The following CATSPER4 variants were observed in gnomAD, a reference collection of about 807,000 sequenced individuals.
CATSPER4 encodes the protein cation channel sperm associated 4, also known as cation channel sperm-associated protein 4.
In CATSPER4, 46 loss-of-function variants were observed where a neutral mutation model predicts 54.4. The ratio of observed to expected loss-of-function variants is 0.84; its 90% CI spans 0.67 to 1.08. The LOEUF (loss-of-function observed/expected upper bound fraction) is 1.08. Ranked by LOEUF, CATSPER4 falls within the 50% of genes least tolerant of loss-of-function variation. The pLI is 0.00. For missense variants in CATSPER4, 574 were observed against 612.8 expected, an observed-to-expected ratio of 0.94 and a Z score of 0.67; for synonymous variants, 230 against 231.9, an observed-to-expected ratio of 0.99 and a Z score of 0.08.
intron 6 of CATSPER4, among the ~76,000 whole-genome samples, chr1:26,199,429 C>G (rs1225699101): frequency 7.7e-6 from 1 of 129,708 alleles, no homozygotes; most frequent in Non-Finnish European, 1.6e-5. Context: ...GAGACTCTGT[C>G]TCAAAAAAAA....
Position 26,190,934 on chromosome 1 carries a change from C to T in CATSPER4, c.213+94C>T, listed in dbSNP as rs375654253. 376 of 1,230,694 alleles carry T rather than the reference C, an allele frequency of 3.1e-4. No homozygotes were observed. The African/African-American group carries it at 4.6e-3, about 15-fold the overall frequency. The allele number at this position is 1,230,694 out of a possible 1,614,324, so 76.2% of individuals were successfully genotyped here. On this transcript the variant is annotated intron_variant, in intron 1 of 9. Transcript: ENST00000456354. The stretch of plus-strand genomic sequence containing the variant: ...TAACTCTGCCCCTCTACCCTCTAAA[C>T]GCCCCCAGAAGACCCTCCCTAGCAC...
At chr1:26,199,526 G>T (rs748667466) in intron 6 of CATSPER4, among the ~76,000 whole-genome samples, 9 of 150,602 alleles carry the variant, frequency 6.0e-5, no homozygotes, top group Non-Finnish European at 1.2e-4. Flanking sequence ...ATGAACCCAG[G>T]AGGTGGAGCT....
At chr1:26,202,455 T>C (rs771470968) in intron 9 of CATSPER4, 34 bp from the exon 10 acceptor site, 1 of 1,592,308 alleles carries the variant, frequency 6.3e-7, no homozygotes, top group Non-Finnish European at 8.6e-7. Flanking sequence ...TCGGGGGGAG[T>C]GGGGGATTAA....
chr1:26,195,379 G>A (rs1200366697), intron 3 of CATSPER4, among the ~76,000 whole-genome samples: 1 of 152,214 alleles, frequency 6.6e-6, no homozygotes, highest in African/African-American at 2.4e-5. Flanking sequence ...CTTCTGGTGA[G>A]GGCTTCAGGC....
rs1395661772 is a variant in CATSPER4 at position 26,190,816 on chromosome 1, C to T, written c.189C>T (p.Asn63=). 1.9e-6 allele frequency: 3 copies of T among 1,611,946 alleles called. No homozygotes were observed. Among genetic ancestry groups the T allele is most frequent in the South Asian group, 1.1e-5 (1 of 90,664 alleles). Residue 63 remains asparagine (N), a synonymous_variant, in exon 1 of 10, where the codon AAC becomes AAT. Transcript: ENST00000456354. ...GGCCAGAGGAGCAAGTGCTCATCAA[C>T]CGCCAGGAAATCACGAACAAAGCGG... ...YGRPEEQVLI[N]RQEITNKADA...
intron 6 of CATSPER4, among the ~76,000 whole-genome samples, chr1:26,199,208 C>G (rs900258413): frequency 2.6e-5 from 4 of 152,018 alleles, no homozygotes; most frequent in Non-Finnish European, 4.4e-5. Flanking sequence ...GAGGCTGAGG[C>G]AGGTGGATCA....
rs907818610 is a variant in CATSPER4, at chr1:26,199,776, C to T, written c.813-108C>T. The T allele has an allele frequency of 2.0e-5, 24 of 1,218,866 alleles. No individual in the cohort carries two copies. The African/African-American group carries it at 3.3e-4, about 17-fold the overall frequency. 75.5% of individuals were successfully genotyped at this position (1,218,866 alleles called of 1,614,324 possible). A position where few individuals can be genotyped will look rare whatever the true frequency, so the allele number is the denominator to read the frequency against. ...TGGGATCTGCACAACAGCAGTGACA[C>T]AGGCAGAAGTTCTAGTAGGCCTTGG... On this transcript the variant is annotated intron_variant, in intron 6 of 9. Transcript: ENST00000456354.
intron 3 of CATSPER4, among the ~76,000 whole-genome samples, chr1:26,195,040 C>A (rs188175060): frequency 1.5e-4 from 23 of 152,228 alleles, no homozygotes; most frequent in African/African-American, 4.3e-4. Flanking sequence ...GCTGAGATTG[C>A]GCCACTGCAC....
Position 26,200,913 on chromosome 1 carries a change from C to G in CATSPER4, c.1071C>G (p.Leu357=). 6.2e-7 allele frequency: 1 copy of G among 1,614,084 alleles called. No individual in the cohort carries two copies. Among genetic ancestry groups the G allele is most frequent in the Non-Finnish European group, 8.5e-7 (1 of 1,180,000 alleles). ...CCCGCTCGGAGAAATCTGGTCTCCTCCAGGAACCCCTTGCGGGAGGCCCCC... is the reference window on the plus strand; with the variant it reads ...CCCGCTCGGAGAAATCTGGTCTCCTGCAGGAACCCCTTGCGGGAGGCCCCC... The part of the protein sequence containing the change: ...VVARSEKSGL[L]QEPLAGGPLS... Residue 357 remains leucine (L), a synonymous_variant, in exon 8 of 10, where the codon CTC becomes CTG. Transcript: ENST00000456354.
chr1:26,201,419 G>C lies in CATSPER4; in HGVS notation c.1265G>C (p.Arg422Pro). 3.1e-6 allele frequency: 5 copies of C among 1,614,088 alleles called. No individual in the cohort carries two copies. Among genetic ancestry groups the C allele is most frequent in the Non-Finnish European group, 4.2e-6 (5 of 1,179,982 alleles). The change falls in exon 9 of 10, where the codon CGC becomes CCC. Residue 422 changes from arginine to proline, a missense_variant. By Grantham distance (103) the Arg-to-Pro change is moderately radical (BLOSUM62 -2). Transcript: ENST00000456354. ...QEQESEVLNR[R>P]SSTSGSLETT... is the part of the protein sequence containing the mutation. ...CAGGAGTCAGAGGTGTTGAACAGGCGCTCGTCGACGAGCGGGTCGTTGGAG... is the reference window on the plus strand; with the variant it reads ...CAGGAGTCAGAGGTGTTGAACAGGCCCTCGTCGACGAGCGGGTCGTTGGAG...
intron 3 of CATSPER4, among the ~76,000 whole-genome samples, chr1:26,196,607 C>G (rs2088941906): frequency 6.6e-6 from 1 of 151,722 alleles, no homozygotes; most frequent in African/African-American, 2.4e-5. Context: ...GACAGGGTTT[C>G]ACCATGTTGC....
At chr1:26,192,192 A>G (rs1223702381) in intron 2 of CATSPER4, among the ~76,000 whole-genome samples, 1 of 149,818 alleles carries the variant, frequency 6.7e-6, no homozygotes, top group Non-Finnish European at 1.5e-5. Flanking sequence ...CAGTGGCGCC[A>G]TCTTGGCTCA....
Position 26,198,060 on chromosome 1 carries a change from A to G in CATSPER4, c.661A>G (p.Ile221Val), listed in dbSNP as rs560352853. The change falls in exon 5 of 10, where the codon ATC (isoleucine) becomes GTC (valine). Residue 221 changes from isoleucine (I) to valine (V), a missense_variant. By Grantham distance (29) the Ile-to-Val change is conservative. Coordinates refer to ENST00000456354, the MANE Select transcript of CATSPER4 (RefSeq NM_198137.2). Reference sequence around the variant, plus strand: ...TGACATGGCCAATATCATGGTCCTCATCCTCTTCTTCATGCTGGTCAGTGC... The same window carrying G: ...TGACATGGCCAATATCATGGTCCTCGTCCTCTTCTTCATGCTGGTCAGTGC... Reference protein sequence around the residue: ...VPDMANIMVLILFFMLVFSVF... With the variant: ...VPDMANIMVLVLFFMLVFSVF... 1,472 of 1,613,946 alleles carry G rather than the reference A, an allele frequency of 9.1e-4. 25 individuals are homozygous for G. In the South Asian group the frequency reaches 0.015, roughly 16 times the overall value.
chr1:26,191,742 A>G (rs1273612129), intron 2 of CATSPER4, among the ~76,000 whole-genome samples: 1 of 152,172 alleles, frequency 6.6e-6, no homozygotes, highest in Non-Finnish European at 1.5e-5. Context: ...TCACTAAGGG[A>G]GAATCACTCA....
In CATSPER4 at chr1:26,198,425, T is replaced by C; in HGVS notation, c.812+6T>C. 1 of 1,614,028 alleles carries C rather than the reference T, an allele frequency of 6.2e-7. No homozygotes were observed. Among genetic ancestry groups the C allele is most frequent in the Non-Finnish European group, 8.5e-7 (1 of 1,180,004 alleles). On this transcript the variant is annotated splice_donor_region_variant and intron_variant, in intron 6 of 9. Coordinates refer to ENST00000456354, the MANE Select transcript of CATSPER4 (RefSeq NM_198137.2). ...GACATCTACAGTGACTTCCAGTGAGTGCCAGTGGGACTTCCAGCCTCATCC... is the reference window on the plus strand; with the variant it reads ...GACATCTACAGTGACTTCCAGTGAGCGCCAGTGGGACTTCCAGCCTCATCC...
intron 2 of CATSPER4, among the ~76,000 whole-genome samples, chr1:26,192,674 G>A (rs1019919001): frequency 2.0e-5 from 3 of 151,682 alleles, no homozygotes; most frequent in Admixed American, 6.6e-5. Flanking sequence ...CAATCCTCCA[G>A]CCTTGGCCTC....
At chr1:26,197,615 G>T in intron 3 of CATSPER4, 71 bp from the exon 4 acceptor site, 1 of 1,031,472 alleles carries the variant, frequency 9.7e-7, no homozygotes, top group South Asian at 1.3e-5. Flanking sequence ...CTGGGATGTG[G>T]GGAGGGCAGA....
At position 26,200,840 on chromosome 1, in the gene CATSPER4, A is replaced by G; in HGVS notation, c.998A>G (p.Glu333Gly). ...QRITFSETGA[E>G]EEEENDQLPL... ...TCCCCCGCTTCCCAGACAGGCGCAG[A>G]GGAAGAGGAGGAGAATGACCAGCTG... The change falls in exon 8 of 10, where the codon GAG becomes GGG. Residue 333 changes from glutamate (E) to glycine (G), a missense_variant. Physicochemically the swap from Glu to Gly is moderately conservative, Grantham distance 98. Coordinates refer to ENST00000456354, the MANE Select transcript of CATSPER4 (RefSeq NM_198137.2). The G allele has an allele frequency of 6.2e-7, 1 of 1,613,622 alleles. No individual in the cohort carries two copies. Among genetic ancestry groups the G allele is most frequent in the Non-Finnish European group, 8.5e-7 (1 of 1,179,590 alleles).
chr1:26,199,755 A>T (rs888956178), intron 6 of CATSPER4, 129 bp from the exon 7 acceptor site: 1 of 961,228 alleles, frequency 1.0e-6, no homozygotes, highest in African/African-American at 1.6e-5. Context: ...AGGGAATGGG[A>T]TCTGCACAAC....
Sources: allele counts gnomAD v4.1 joint callset (sites outside exome capture counted in the v4.1 genomes callset), GRCh38; gene constraint gnomAD v4.1.1; transcripts MANE v1.5; gene names NCBI Gene and HGNC (gene_info 2026-07-23, HGNC 2026-07-21).